The following ENKD1 variants were observed in gnomAD, a reference collection of about 807,000 sequenced individuals.
The protein encoded by ENKD1 is enkurin domain containing 1.
ENKD1 carries 39 observed loss-of-function variants against 35.8 expected under a neutral mutation model. That is an observed-to-expected ratio of 1.09 (90% CI 0.84 to 1.42). ENKD1 has a LOEUF of 1.42. ENKD1 is among the 40% of genes most tolerant of loss of function. The pLI is 0.00. For synonymous variants in ENKD1, 205 were observed against 198.6 expected (o/e 1.03, Z -0.27); for missense variants, 474 against 471.3 (o/e 1.01, Z -0.05).
In ENKD1 at chr16:67,663,517, C is replaced by T; in HGVS notation, c.783G>A (p.Glu261=). The change falls in exon 6 of 7, where the codon GAG becomes GAA. Residue 261 remains glutamate, a synonymous_variant. Coordinates refer to ENST00000243878, the MANE Select transcript of ENKD1 (RefSeq NM_032140.3). ...ERRDLWRREA[E]ARKQSQPDPA... ...GGTCCGGCTGGCTCTGCTTGCGGGCCTCGGCCTCCCGCCGCCACAGGTCCC... is the reference window on the plus strand; with the variant it reads ...GGTCCGGCTGGCTCTGCTTGCGGGCTTCGGCCTCCCGCCGCCACAGGTCCC... The T allele has an allele frequency of 1.2e-6, 2 of 1,612,040 alleles. No individual in the cohort carries two copies. Among genetic ancestry groups the T allele is most frequent in the Non-Finnish European group, 1.7e-6 (2 of 1,179,742 alleles).
At position 67,666,385 on chromosome 16, in the gene ENKD1, G is replaced by A; in HGVS notation, c.58C>T (p.Pro20Ser). 2.5e-6 allele frequency: 4 copies of A among 1,575,658 alleles called. No individual in the cohort carries two copies. Among genetic ancestry groups the A allele is most frequent in the Non-Finnish European group, 3.4e-6 (4 of 1,167,674 alleles). The change falls in exon 1 of 7, where the codon CCT becomes TCT. Residue 20 changes from proline (P) to serine (S), a missense_variant. Pro to Ser is a moderately conservative substitution (Grantham distance 74). Transcript: ENST00000243878. ...GPIPPDPTLCPDNYRRPTSAQ... is the reference protein window; with the variant it reads ...GPIPPDPTLCSDNYRRPTSAQ... ...GAGGTCGGCCGCCTGTAGTTGTCAG[G>A]ACAGAGCGTCGGGTCTGGGGGGATG...
chr16:67,665,948 G>T, intron 2 of ENKD1, 123 bp downstream of exon 2: 1 of 1,054,820 alleles, frequency 9.5e-7, no homozygotes, highest in Non-Finnish European at 1.4e-6. Context: ...TTTTATAGTT[G>T]GGGAAACTGA....
chr16:67,664,860 GC>G, intron 3 of ENKD1, 135 bp downstream of exon 3: 1 of 1,132,538 alleles, frequency 8.8e-7, no homozygotes, highest in Admixed American at 2.9e-5. Context: ...CCCCAGCCTC[GC>G]CCTGCAGCAG....
rs1345457267 is a variant in ENKD1, at chr16:67,662,965, A to AT, written c.*195dup. ...ACAAATCCTGTGTACAAAATGTTTA[A>AT]TTTTGACAAAGCAGTTAAAAGGCTA... On this transcript the variant is annotated 3_prime_UTR_variant, in exon 7 of 7. Transcript: ENST00000243878. This position sits in a 1 kb window ranked among gnomAD's most constrained non-coding sequence, Gnocchi z 6.9. 1.5e-6 allele frequency: 1 copy of AT among 672,898 alleles called. No homozygotes were observed. Among genetic ancestry groups the AT allele is most frequent in the Admixed American group, 3.0e-5 (1 of 33,124 alleles). The allele number at this position is 672,898 out of a possible 1,614,324, so 41.7% of individuals were successfully genotyped here.
chr16:67,664,971 A>G (rs1330001895), intron 3 of ENKD1, 25 bp downstream of exon 3: 1 of 1,577,566 alleles, frequency 6.3e-7, no homozygotes, highest in African/African-American at 1.4e-5. Context: ...AATGGATAAT[A>G]CTTCTGGCTC....
Position 67,663,340 on chromosome 16 carries a change from CAGTG to C in ENKD1, c.881-23_881-20del, listed in dbSNP as rs1288270285. 14 of 1,612,876 alleles carry C rather than the reference CAGTG, an allele frequency of 8.7e-6. No homozygotes were observed. In the South Asian group the frequency reaches 1.5e-4, roughly 18 times the overall value. ...CTCTGGCCTACAGGGGGCCCGGGAA[CAGTG>C]AGAACAGTGAGTGTTGGGCAGGGGT... On this transcript the variant is annotated intron_variant, in intron 6 of 6. Transcript: ENST00000243878.
intron 2 of ENKD1, 115 bp downstream of exon 2, chr16:67,665,956 T>G: frequency 4.3e-6 from 5 of 1,152,456 alleles, no homozygotes; most frequent in Non-Finnish European, 4.9e-6. Flanking sequence ...TTGGGGAAAC[T>G]GAGACTCAAG....
rs2053103680 is a variant in ENKD1 at position 67,666,379 on chromosome 16, T to G, written c.64A>C (p.Asn22His). 6.3e-7 allele frequency: 1 copy of G among 1,577,830 alleles called. No individual in the cohort carries two copies. The highest frequency in any genetic ancestry group is 8.6e-7 in the Non-Finnish European group (1 of 1,168,620). ...IPPDPTLCPD[N>H]YRRPTSAQGR... ...TCACCCGAGGTCGGCCGCCTGTAGTTGTCAGGACAGAGCGTCGGGTCTGGG... is the reference window on the plus strand; with the variant it reads ...TCACCCGAGGTCGGCCGCCTGTAGTGGTCAGGACAGAGCGTCGGGTCTGGG... The change falls in exon 1 of 7, where the codon AAC (asparagine) becomes CAC (histidine). Residue 22 changes from asparagine to histidine, a missense_variant. Physicochemically the swap from Asn to His is moderately conservative, Grantham distance 68. Coordinates refer to ENST00000243878, the MANE Select transcript of ENKD1 (RefSeq NM_032140.3).
chr16:67,666,104 C>T lies in ENKD1; in HGVS notation c.247G>A (p.Gly83Arg). ...GAGGCCCCAGGACCTAGGGAGATCC[C>T]CTCGAGTTGCAACAGCACGTCCCCG... ...GVGDVLLQLE[G>R]ISLGPGASLK... The change falls in exon 2 of 7, where the codon GGG becomes AGG. Residue 83 changes from glycine to arginine, a missense_variant. Gly to Arg is a moderately radical substitution (Grantham distance 125). Transcript: ENST00000243878. 1 of 1,612,830 alleles carries T rather than the reference C, an allele frequency of 6.2e-7. No individual in the cohort carries two copies.
Position 67,663,301 on chromosome 16 carries a change from C to T in ENKD1, c.901G>A (p.Glu301Lys). ...GCCCCAGCAGGCAGCAGTACCAGCTCACGCAGCAGCTGGCTCTGGCCTACA... is the reference window on the plus strand; with the variant it reads ...GCCCCAGCAGGCAGCAGTACCAGCTTACGCAGCAGCTGGCTCTGGCCTACA... Reference protein sequence around the residue: ...LLQSQSQLLRELVLLPAGADS... With the variant: ...LLQSQSQLLRKLVLLPAGADS... The change falls in exon 7 of 7, where the codon GAG becomes AAG. Residue 301 changes from glutamate to lysine, a missense_variant. Coordinates refer to ENST00000243878, the MANE Select transcript of ENKD1 (RefSeq NM_032140.3). The T allele has an allele frequency of 6.2e-7, 1 of 1,613,672 alleles. No homozygotes were observed. The highest frequency in any genetic ancestry group is 8.5e-7 in the Non-Finnish European group (1 of 1,180,028).
At position 67,663,769 on chromosome 16, in the gene ENKD1, T is replaced by C; in HGVS notation, c.631A>G (p.Arg211Gly). The change falls in exon 5 of 7, where the codon AGA becomes GGA. Residue 211 changes from arginine (R) to glycine (G), a missense_variant. Physicochemically the swap from Arg to Gly is moderately radical, Grantham distance 125. Coordinates refer to ENST00000243878, the MANE Select transcript of ENKD1 (RefSeq NM_032140.3). ...FIRHNARAAKRAPRRHSCSLQ... is the reference protein window; with the variant it reads ...FIRHNARAAKGAPRRHSCSLQ... ...GAGCAGGAATGCCTCCGGGGGGCTC[T>C]CTTGGCAGCTCGTGCATTGTGACGA... The C allele has an allele frequency of 6.2e-7, 1 of 1,610,496 alleles. No homozygotes were observed. Among genetic ancestry groups the C allele is most frequent in the South Asian group, 1.1e-5 (1 of 90,444 alleles).
intron 3 of ENKD1, 76 bp from the exon 4 acceptor site, chr16:67,664,138 G>C: frequency 1.4e-6 from 2 of 1,387,274 alleles, no homozygotes; most frequent in South Asian, 2.5e-5. Context: ...TGGCCATCTT[G>C]GCCCTTCTGA....
rs2053096964 is a variant in ENKD1 at position 67,666,055 on chromosome 16, C to T, written c.280+16G>A. 6.2e-7 allele frequency: 1 copy of T among 1,609,296 alleles called. No homozygotes were observed. Among genetic ancestry groups the T allele is most frequent in the Non-Finnish European group, 8.5e-7 (1 of 1,177,890 alleles). On this transcript the variant is annotated intron_variant, in intron 2 of 6. Transcript: ENST00000243878. ...CGCACTGCCTCTCTGTCCCTTCTTC[C>T]ATTCCTGGGACTTACTCTTGAGAGA...
chr16:67,664,761 T>C (rs1339883614), intron 3 of ENKD1, among the ~76,000 whole-genome samples: 2 of 152,184 alleles, frequency 1.3e-5, no homozygotes, highest in African/African-American at 2.4e-5. Flanking sequence ...TGAGGTTCCA[T>C]CTTTTGGGAA....
Position 67,663,099 on chromosome 16 carries a change from T to G in ENKD1, c.*62A>C. 6.3e-7 allele frequency: 1 copy of G among 1,594,992 alleles called. No homozygotes were observed. Among genetic ancestry groups the G allele is most frequent in the Non-Finnish European group, 8.5e-7 (1 of 1,169,742 alleles). On this transcript the variant is annotated 3_prime_UTR_variant, in exon 7 of 7. Coordinates refer to ENST00000243878, the MANE Select transcript of ENKD1 (RefSeq NM_032140.3). ...TGCTCTGGGATTGGGTCCAACCCTG[T>G]CCTTTGCAGCCATGTGGCGATCCTC...
In ENKD1 at chr16:67,666,366, G is replaced by C. The variant is rs929266380; in HGVS notation, c.77C>G (p.Pro26Arg). The change falls in exon 1 of 7, where the codon CCG (proline) becomes CGG (arginine). Residue 26 changes from proline (P) to arginine (R), a missense_variant. By Grantham distance (103) the Pro-to-Arg change is moderately radical. Coordinates refer to ENST00000243878, the MANE Select transcript of ENKD1 (RefSeq NM_032140.3). ...PTLCPDNYRR[P>R]TSAQGRLEGN... ...CAAGCCCCCGGACTCACCCGAGGTC[G>C]GCCGCCTGTAGTTGTCAGGACAGAG... The C allele has an allele frequency of 6.3e-7, 1 of 1,577,856 alleles. No individual in the cohort carries two copies. The highest frequency in any genetic ancestry group is 1.1e-5 in the South Asian group (1 of 88,332).
chr16:67,665,552 G>A (rs1240320041), intron 2 of ENKD1, among the ~76,000 whole-genome samples: 1 of 152,018 alleles, frequency 6.6e-6, no homozygotes, highest in Non-Finnish European at 1.5e-5. Context: ...TGTAGAGATG[G>A]GGTTTCACCA....
chr16:67,663,242 C>A lies in ENKD1; in HGVS notation c.960G>T (p.Glu320Asp). The change falls in exon 7 of 7, where the codon GAG becomes GAT. Residue 320 changes from glutamate (E) to aspartate (D), a missense_variant. Coordinates refer to ENST00000243878, the MANE Select transcript of ENKD1 (RefSeq NM_032140.3). ...CTACCTGCACCAGCTTCCGGTCCAG[C>A]TCAGCACGGTGGCTCTGGGCTCTCA... ...DSLRAQSHRAELDRKLVQVEE... is the reference protein window; with the variant it reads ...DSLRAQSHRADLDRKLVQVEE... 1.2e-6 allele frequency: 2 copies of A among 1,614,020 alleles called. No homozygotes were observed. Among genetic ancestry groups the A allele is most frequent in the Non-Finnish European group, 1.7e-6 (2 of 1,180,030 alleles).
In ENKD1 at chr16:67,663,066, C is replaced by T. The variant is rs2053051997; in HGVS notation, c.*95G>A. 2 of 1,487,466 alleles carry T rather than the reference C, an allele frequency of 1.3e-6. No individual in the cohort carries two copies. The highest frequency in any genetic ancestry group is 3.9e-5 in the Admixed American group (2 of 50,740). The allele number at this position is 1,487,466 out of a possible 1,614,324, so 92.1% of individuals were successfully genotyped here. On this transcript the variant is annotated 3_prime_UTR_variant, in exon 7 of 7. Transcript: ENST00000243878. ...CTGGCCACCCCCCTGCTCCTGTCTT[C>T]AGACCTCTGCTCTGGGATTGGGTCC...
Sources: allele counts gnomAD v4.1 joint callset (sites outside exome capture counted in the v4.1 genomes callset), GRCh38; gene constraint gnomAD v4.1.1; non-coding constraint Gnocchi (gnomAD v3.1); transcripts MANE v1.5; gene names NCBI Gene and HGNC (gene_info 2026-07-23, HGNC 2026-07-21).